Variants in INPP4B observed in about 807,000 individuals in gnomAD.
INPP4B encodes inositol polyphosphate 4-phosphatase type II.
INPP4B carries 55 observed loss-of-function variants against 122.5 expected under a neutral mutation model. That is an observed-to-expected ratio of 0.45 (90% CI 0.36 to 0.56). INPP4B has a LOEUF of 0.56. INPP4B is among the 20% of genes least tolerant of loss of function. The pLI, the probability that INPP4B is intolerant of heterozygous loss-of-function variation, is 0.00. For synonymous variants in INPP4B, 403 were observed against 388.7 expected, an observed-to-expected ratio of 1.04 and a Z score of -0.43; for missense variants, 1,000 against 1,097.7, an observed-to-expected ratio of 0.91 and a Z score of 1.26.
chr4:142,161,121 C>T (rs1217362307), intron 16 of INPP4B, among the ~76,000 whole-genome samples: 3 of 151,836 alleles, frequency 2.0e-5, no homozygotes, highest in Non-Finnish European at 4.4e-5. Context: ...TTCATGAAAA[C>T]ATCGGGCCTG....
intron 2 of INPP4B, among the ~76,000 whole-genome samples, chr4:142,472,603 C>T (rs894185389): frequency 1.3e-5 from 2 of 152,174 alleles, no homozygotes; most frequent in African/African-American, 2.4e-5. Flanking sequence ...ACCAGTGCCT[C>T]AGAATTATTA....
intron 17 of INPP4B, among the ~76,000 whole-genome samples, chr4:142,146,829 G>C (rs1264409491): frequency 6.6e-6 from 1 of 152,104 alleles, no homozygotes; most frequent in Non-Finnish European, 1.5e-5. Context: ...AAGTCATTTT[G>C]AGTGATTTAT....
chr4:142,447,303 C>A (rs1201492120), intron 3 of INPP4B, among the ~76,000 whole-genome samples: 4 of 152,144 alleles, frequency 2.6e-5, no homozygotes, highest in Non-Finnish European at 5.9e-5. Flanking sequence ...GTATAGTGGA[C>A]ACAGTGTTGG....
At chr4:142,422,573 G>C (rs900276163) in intron 5 of INPP4B, among the ~76,000 whole-genome samples, 1 of 152,088 alleles carries the variant, frequency 6.6e-6, no homozygotes, top group Non-Finnish European at 1.5e-5. Flanking sequence ...GGAAGGCTGA[G>C]GTGGTAGATT....
Position 142,429,234 on chromosome 4 carries a change from C to A in INPP4B, c.92-17G>T. 1 of 1,468,910 alleles carries A rather than the reference C, an allele frequency of 6.8e-7. No homozygotes were observed. The allele number at this position is 1,468,910 out of a possible 1,614,324, so 91.0% of individuals were successfully genotyped here. The stretch of plus-strand genomic sequence containing the variant: ...TCTGGATACCTATAAATAATAGGAG[C>A]AAATTCAGATTTTTAAAAAATTGAA... On this transcript the variant is annotated splice_polypyrimidine_tract_variant and intron_variant, in intron 4 of 25. Transcript: ENST00000262992.
chr4:142,812,924 G>A (rs142048950), intron 1 of INPP4B, among the ~76,000 whole-genome samples: 69 of 152,204 alleles, frequency 4.5e-4, no homozygotes, highest in Admixed American at 1.4e-3. Context: ...TCCTTTAGAT[G>A]CCAAAAAATA....
chr4:142,193,260 A>T, intron 14 of INPP4B, 65 bp from the exon 15 acceptor site: 1 of 899,402 alleles, frequency 1.1e-6, no homozygotes, highest in Non-Finnish European at 1.8e-6. Context: ...TGCTGTTTGC[A>T]TTGAAGCATA....
At chr4:142,120,760 C>T (rs1002261606) in intron 21 of INPP4B, among the ~76,000 whole-genome samples, 5 of 152,068 alleles carry the variant, frequency 3.3e-5, no homozygotes, top group Non-Finnish European at 5.9e-5. Context: ...CAGCAAAATG[C>T]CACAGACTTC....
At chr4:142,287,823 A>T (rs1281982358) in intron 9 of INPP4B, among the ~76,000 whole-genome samples, 1 of 152,186 alleles carries the variant, frequency 6.6e-6, no homozygotes, top group Non-Finnish European at 1.5e-5. Context: ...TACCATAACA[A>T]AATAGCATAT....
At chr4:142,481,133 CAAAAA>C (rs551228788) in intron 2 of INPP4B, among the ~76,000 whole-genome samples, 11 of 57,890 alleles carry the variant, frequency 1.9e-4, no homozygotes, top group East Asian at 5.4e-4. Context: ...GACTCTGTCT[CAAAAA>C]AAAAAAAAAA....
At chr4:142,463,322 T>C (rs1049402295) in intron 2 of INPP4B, among the ~76,000 whole-genome samples, 1 of 152,198 alleles carries the variant, frequency 6.6e-6, no homozygotes, top group East Asian at 1.9e-4. Flanking sequence ...CAGTGCCGCA[T>C]GCTTATGTGA....
At chr4:142,747,632 C>T (rs1343219702) in intron 1 of INPP4B, among the ~76,000 whole-genome samples, 1 of 152,136 alleles carries the variant, frequency 6.6e-6, no homozygotes, top group East Asian at 1.9e-4. Context: ...AAATGTCCAT[C>T]AGTGATAGAT....
At chr4:142,770,583 T>A (rs918014725) in intron 1 of INPP4B, among the ~76,000 whole-genome samples, 1 of 152,090 alleles carries the variant, frequency 6.6e-6, no homozygotes, top group Non-Finnish European at 1.5e-5. Context: ...AGGTCAGAGT[T>A]TCTTTTACTA....
intron 7 of INPP4B, among the ~76,000 whole-genome samples, chr4:142,392,139 T>C (rs1358296732): frequency 6.6e-6 from 1 of 152,196 alleles, no homozygotes; most frequent in African/African-American, 2.4e-5. Context: ...CCTTGGTTTA[T>C]AATCTCACAA....
chr4:142,395,377 G>A (rs2029410), intron 7 of INPP4B, among the ~76,000 whole-genome samples: 3 of 152,194 alleles, frequency 2.0e-5, no homozygotes, highest in African/African-American at 7.2e-5. Flanking sequence ...ACTGTTACCC[G>A]CATTCTAACA....
intron 2 of INPP4B, among the ~76,000 whole-genome samples, chr4:142,500,022 G>A (rs1425533): frequency 0.23 from 35,511 of 151,996 alleles, 4,457 homozygotes; most frequent in East Asian, 0.46. Flanking sequence ...GATTCTAAAA[G>A]TACACCAAAA....
intron 1 of INPP4B, chr4:142,795,655 C>A (rs2151076213): frequency 6.6e-6 from 1 of 152,058 alleles, no homozygotes; most frequent in East Asian, 1.9e-4. Flanking sequence ...GTATCTGTCA[C>A]ATAGTAGGAG....
intron 7 of INPP4B, among the ~76,000 whole-genome samples, chr4:142,336,121 C>G (rs1776486356): frequency 1.3e-5 from 2 of 152,212 alleles, no homozygotes; most frequent in Non-Finnish European, 2.9e-5. Context: ...GCTACCCACT[C>G]TCGGGTTCCC....
intron 5 of INPP4B, among the ~76,000 whole-genome samples, chr4:142,416,295 T>C (rs930599590): frequency 1.3e-5 from 2 of 152,104 alleles, no homozygotes; most frequent in Non-Finnish European, 2.9e-5. Flanking sequence ...GGGAGGCAGC[T>C]GTTCAATCCA....
Sources: allele counts gnomAD v4.1 joint callset (sites outside exome capture counted in the v4.1 genomes callset), GRCh38; gene constraint gnomAD v4.1.1; transcripts MANE v1.5; gene names NCBI Gene and HGNC (gene_info 2026-07-23, HGNC 2026-07-21).